The following BTBD9 variants were observed in gnomAD, a reference collection of about 807,000 sequenced individuals.
BTBD9 encodes the protein BTB domain containing 9, also known as BTB/POZ domain-containing protein 9.
A neutral mutation model predicts 64.3 loss-of-function variants in BTBD9; 49 were observed. The observed-to-expected ratio is 0.76, with a 90% CI of 0.61 to 0.97. The LOEUF (loss-of-function observed/expected upper bound fraction) is 0.97. Ranked by LOEUF, BTBD9 falls within the 50% of genes least tolerant of loss-of-function variation. BTBD9 has a pLI of 0.00. For missense variants in BTBD9, 598 were observed against 762.1 expected (o/e 0.78, Z 2.53); for synonymous variants, 260 against 274.7 (o/e 0.95, Z 0.53).
intron 10 of BTBD9, among the ~76,000 whole-genome samples, chr6:38,183,254 G>A (rs893150593): frequency 4.6e-5 from 7 of 152,192 alleles, no homozygotes; most frequent in South Asian, 2.1e-4. Context: ...TGGGATTACA[G>A]GTGTGAGCCA....
At chr6:38,317,090 G>T (rs1320082649) in intron 7 of BTBD9, among the ~76,000 whole-genome samples, 1 of 151,936 alleles carries the variant, frequency 6.6e-6, no homozygotes, top group Non-Finnish European at 1.5e-5. Context: ...CCACCCCCTG[G>T]ATTCAAGTGA....
chr6:38,486,599 C>T (rs1004459818), intron 6 of BTBD9, among the ~76,000 whole-genome samples: 3 of 152,202 alleles, frequency 2.0e-5, no homozygotes, highest in Non-Finnish European at 4.4e-5. Flanking sequence ...AGAATACACA[C>T]ATTTATCTAT....
In BTBD9 at chr6:38,610,094, T is replaced by A. The variant is rs569525445; in HGVS notation, c.-27-11973A>T. On this transcript the variant is annotated intron_variant, in intron 1 of 10. Coordinates refer to ENST00000481247, the MANE Select transcript of BTBD9 (RefSeq NM_001099272.2). The stretch of plus-strand genomic sequence containing the variant: ...AATTGTGGTTAATAAATTTTTTAAA[T>A]GTTGTTAGATTTCATTAGTTGAAAT... Among the ~76,000 whole-genome samples, 127 of 152,336 alleles carry A rather than the reference T, an allele frequency of 8.3e-4. 1 individual carries two copies. Among genetic ancestry groups the A allele is most frequent in the African/African-American group, 2.9e-3 (119 of 41,578 alleles).
Position 38,393,119 on chromosome 6 carries a change from G to A in BTBD9, c.1155-48026C>T, listed in dbSNP as rs148148047. On this transcript the variant is annotated intron_variant, in intron 6 of 10. Transcript: ENST00000481247. ...TTGAACTCCTAACCTCAGGTGATCC[G>A]TCCACCTCAGGTGATCCGTCCGCCT... 7.1e-3 allele frequency among the ~76,000 whole-genome samples: 1,075 copies of A among 152,124 alleles called. 10 individuals are homozygous for A. The highest frequency in any genetic ancestry group is 0.023 in the African/African-American group (972 of 41,512).
intron 6 of BTBD9, among the ~76,000 whole-genome samples, chr6:38,351,988 A>G (rs1177294968): frequency 6.6e-6 from 1 of 152,184 alleles, no homozygotes; most frequent in African/African-American, 2.4e-5. Context: ...AAGATCTAAA[A>G]TGTATTTAAT....
chr6:38,633,634 A>G (rs111810200), intron 1 of BTBD9, among the ~76,000 whole-genome samples: 1,529 of 152,300 alleles, frequency 0.01, 14 homozygotes, highest in Non-Finnish European at 0.017. Flanking sequence ...TTTCTGAAAC[A>G]TTACAATAGC....
At chr6:38,455,620 C>T (rs1769761561) in intron 6 of BTBD9, among the ~76,000 whole-genome samples, 1 of 152,186 alleles carries the variant, frequency 6.6e-6, no homozygotes, top group South Asian at 2.1e-4. Flanking sequence ...GTGAGTAGTA[C>T]TCCATAATAT....
At chr6:38,207,276 T>TATTA (rs1762688923) in intron 9 of BTBD9, 1 of 237,940 alleles carries the variant, frequency 4.2e-6, no homozygotes, top group Non-Finnish European at 8.9e-6. Flanking sequence ...GAAAATGGGG[T>TATTA]CAATGATGTA....
At chr6:38,352,684 A>T (rs1764568524) in intron 6 of BTBD9, among the ~76,000 whole-genome samples, 1 of 152,234 alleles carries the variant, frequency 6.6e-6, no homozygotes, top group Non-Finnish European at 1.5e-5. Flanking sequence ...CTATTCACAT[A>T]TGGTAGCTTA....
intron 6 of BTBD9, among the ~76,000 whole-genome samples, chr6:38,564,992 G>T (rs1367661587): frequency 6.6e-6 from 1 of 151,972 alleles, no homozygotes; most frequent in Non-Finnish European, 1.5e-5. Context: ...TAATAATTCT[G>T]CAACTAGCTT....
At chr6:38,499,885 A>G (rs572340551) in intron 6 of BTBD9, among the ~76,000 whole-genome samples, 1 of 152,324 alleles carries the variant, frequency 6.6e-6, no homozygotes, top group South Asian at 2.1e-4. Flanking sequence ...GAACTGTCAG[A>G]GCGCTGAATA....
intron 6 of BTBD9, among the ~76,000 whole-genome samples, chr6:38,541,882 T>C (rs959806497): frequency 1.3e-5 from 2 of 152,230 alleles, no homozygotes; most frequent in African/African-American, 4.8e-5. Context: ...TGTATATGAG[T>C]AGAAATTCTA....
At chr6:38,306,448 C>A (rs187165706) in intron 7 of BTBD9, among the ~76,000 whole-genome samples, 27 of 152,332 alleles carry the variant, frequency 1.8e-4, no homozygotes, top group African/African-American at 6.3e-4. Flanking sequence ...GTGCACATAG[C>A]AATTCTGCTC....
rs1227937296 is a variant in BTBD9, at chr6:38,184,658, T to C, written c.1641+7861A>G. On this transcript the variant is annotated intron_variant, in intron 10 of 10. Coordinates refer to ENST00000481247, the MANE Select transcript of BTBD9 (RefSeq NM_001099272.2). The surrounding 1 kb of genome is among the most constrained non-coding windows in gnomAD (Gnocchi z 4.4). The stretch of plus-strand genomic sequence containing the variant: ...CTTCTGGGCTGAGACGATGGTCCTC[T>C]GGAGGATGCTGCCGGGGAAATCCTC... 6.6e-6 allele frequency among the ~76,000 whole-genome samples: 1 copy of C among 152,194 alleles called. No individual in the cohort carries two copies. Among genetic ancestry groups the C allele is most frequent in the Non-Finnish European group, 1.5e-5 (1 of 68,030 alleles).
intron 6 of BTBD9, among the ~76,000 whole-genome samples, chr6:38,478,222 A>C (rs1257423924): frequency 6.6e-6 from 1 of 152,146 alleles, no homozygotes; most frequent in Non-Finnish European, 1.5e-5. Context: ...ATGTGAGGAG[A>C]AACATGTGCA....
Position 38,282,908 on chromosome 6 carries a change from C to T in BTBD9, c.1454+5364G>A, listed in dbSNP as rs576865903. Among the ~76,000 whole-genome samples, 9 of 152,120 alleles carry T rather than the reference C, an allele frequency of 5.9e-5. No homozygotes were observed. In the South Asian group the frequency reaches 8.3e-4, roughly 14 times the overall value. ...TAAATATCAGCCATCTAAAAAACAG[C>T]GTTTATTATCTCCCCTCAACCCCAC... On this transcript the variant is annotated intron_variant, in intron 8 of 10. Coordinates refer to ENST00000481247, the MANE Select transcript of BTBD9 (RefSeq NM_001099272.2).
At chr6:38,568,284 C>T (rs1775611468) in intron 6 of BTBD9, among the ~76,000 whole-genome samples, 1 of 152,216 alleles carries the variant, frequency 6.6e-6, no homozygotes, top group African/African-American at 2.4e-5. Flanking sequence ...CACAAAAAAT[C>T]TGTATCTAAG....
chr6:38,555,468 G>T (rs1275170537), intron 6 of BTBD9, among the ~76,000 whole-genome samples: 1 of 152,172 alleles, frequency 6.6e-6, no homozygotes, highest in Non-Finnish European at 1.5e-5. Flanking sequence ...GAGATTAAAT[G>T]TAAGTATATA....
intron 10 of BTBD9, among the ~76,000 whole-genome samples, chr6:38,180,580 T>C (rs1443351869): frequency 6.6e-6 from 1 of 152,118 alleles, no homozygotes; most frequent in Non-Finnish European, 1.5e-5. Context: ...GAAGCTCAAG[T>C]GATTCAATTT....
Sources: gnomAD v4.1 joint callset for allele counts (sites outside exome capture counted in the v4.1 genomes callset) on GRCh38, gnomAD v4.1.1 for gene constraint, Gnocchi (gnomAD v3.1) non-coding constraint, MANE v1.5 for transcripts, NCBI Gene and HGNC (gene_info 2026-07-23, HGNC 2026-07-21) for gene names.